Variants in SLC39A12 observed in about 807,000 individuals in gnomAD.
SLC39A12 encodes zinc transporter ZIP12.
A neutral mutation model predicts 71.1 loss-of-function variants in SLC39A12; 63 were observed. The observed-to-expected ratio is 0.89, with a 90% confidence interval of 0.72 to 1.09. SLC39A12 has a LOEUF of 1.09. SLC39A12 is among the 50% of genes least tolerant of loss of function. The probability of loss-of-function intolerance (pLI) is 0.00; values close to 1 mark genes in which losing one functional copy is unlikely to be tolerated. For missense variants in SLC39A12, 892 were observed against 812.6 expected (o/e 1.10, Z -1.19); for synonymous variants, 351 against 301.3 (o/e 1.16, Z -1.71).
intron 10 of SLC39A12, among the ~76,000 whole-genome samples, chr10:17,996,482 C>T (rs985934967): frequency 6.6e-6 from 1 of 152,106 alleles, no homozygotes; most frequent in Non-Finnish European, 1.5e-5. Context: ...CCCATTCTAC[C>T]GTAATAACTT....
chr10:17,998,451 G>A (rs969696624), intron 10 of SLC39A12, among the ~76,000 whole-genome samples: 1 of 152,006 alleles, frequency 6.6e-6, no homozygotes, highest in African/African-American at 2.4e-5. Context: ...ACAAAGAAGA[G>A]CTTTATCTCT....
At chr10:17,989,375 T>A (rs1323011720) in intron 7 of SLC39A12, among the ~76,000 whole-genome samples, 1 of 152,258 alleles carries the variant, frequency 6.6e-6, no homozygotes, top group Non-Finnish European at 1.5e-5. Context: ...TGGAAATATT[T>A]CAGGGCTTAT....
intron 2 of SLC39A12, among the ~76,000 whole-genome samples, chr10:17,957,331 G>A (rs141216219): frequency 1.3e-5 from 2 of 152,252 alleles, no homozygotes; most frequent in African/African-American, 2.4e-5. Context: ...CCAAGTGTCC[G>A]AGTAGCCTGT....
intron 12 of SLC39A12, among the ~76,000 whole-genome samples, chr10:18,005,134 C>T (rs138393636): frequency 7.8e-4 from 118 of 152,090 alleles, no homozygotes; most frequent in African/African-American, 2.6e-3. Flanking sequence ...AGGATTGATA[C>T]CTAGGTGATG....
intron 12 of SLC39A12, among the ~76,000 whole-genome samples, chr10:18,015,797 C>T (rs1364033943): frequency 6.6e-6 from 1 of 151,468 alleles, no homozygotes; most frequent in Non-Finnish European, 1.5e-5. Flanking sequence ...TTCACCTACA[C>T]TATCCAAATG....
chr10:18,003,199 A>AG lies in SLC39A12; in HGVS notation c.1788_1789insG (p.Leu597AlafsTer30). On this transcript the variant is annotated frameshift_variant, in exon 12 of 13. Coordinates refer to ENST00000377369, the MANE Select transcript of SLC39A12 (RefSeq NM_001145195.2). LOFTEE classifies it high-confidence loss of function. ...ACTTTGCCGTGCTCTTAAGCTCTGG[A>AG]CTTTCTATGAAGACTGCCATCCTGA... 8 of 1,614,074 alleles carry AG rather than the reference A, an allele frequency of 5.0e-6. No individual in the cohort carries two copies. The highest frequency in any genetic ancestry group is 5.9e-6 in the Non-Finnish European group (7 of 1,180,004).
At chr10:18,027,286 G>A (rs1239972162) in intron 12 of SLC39A12, among the ~76,000 whole-genome samples, 1 of 152,202 alleles carries the variant, frequency 6.6e-6, no homozygotes, top group Non-Finnish European at 1.5e-5. Context: ...GCTAGAAAGA[G>A]CTGAAATTGG....
intron 11 of SLC39A12, chr10:18,001,701 T>C (rs1399416770): frequency 6.6e-6 from 1 of 152,162 alleles, no homozygotes; most frequent in African/African-American, 2.4e-5. Context: ...TGTGGGTACA[T>C]AGTGGTTGTA....
At chr10:18,013,301 T>G (rs910011803) in intron 12 of SLC39A12, among the ~76,000 whole-genome samples, 4 of 150,470 alleles carry the variant, frequency 2.7e-5, no homozygotes, top group Non-Finnish European at 5.9e-5. Flanking sequence ...CTGATCCATT[T>G]TAAGTTAATT....
chr10:17,956,901 C>G (rs1227577291), intron 2 of SLC39A12, among the ~76,000 whole-genome samples: 1 of 152,136 alleles, frequency 6.6e-6, no homozygotes, highest in African/African-American at 2.4e-5. Flanking sequence ...AGTACAGACC[C>G]TAAAGAGCCA....
chr10:17,981,520 A>C, intron 6 of SLC39A12, 37 bp downstream of exon 6: 13 of 1,536,018 alleles, frequency 8.5e-6, no homozygotes, highest in Non-Finnish European at 1.2e-5. Context: ...GCTGATGTGC[A>C]CAATGTATGC....
At chr10:17,977,823 A>G (rs1016065789) in intron 4 of SLC39A12, 79 bp from the exon 5 acceptor site, 11 of 1,058,094 alleles carry the variant, frequency 1.0e-5, no homozygotes, top group South Asian at 7.9e-5. Context: ...GGGAATATCT[A>G]TGCTGTAGCT....
At chr10:17,965,225 A>AT (rs1489903151) in intron 3 of SLC39A12, among the ~76,000 whole-genome samples, 1 of 151,998 alleles carries the variant, frequency 6.6e-6, no homozygotes, top group Admixed American at 6.6e-5. Context: ...GAAAAAAAAA[A>AT]GGATAGGGAG....
At chr10:18,005,764 T>C (rs1487166908) in intron 12 of SLC39A12, 1 of 152,158 alleles carries the variant, frequency 6.6e-6, no homozygotes, top group Non-Finnish European at 1.5e-5. Context: ...GTGACTGATA[T>C]CCTGTGAGAT....
chr10:18,014,564 T>A (rs1011858747), intron 12 of SLC39A12, among the ~76,000 whole-genome samples: 2 of 152,176 alleles, frequency 1.3e-5, no homozygotes, highest in Non-Finnish European at 2.9e-5. Context: ...AAATCAAAAT[T>A]TAGCTCATTC....
At chr10:17,989,508 G>C (rs1353909395) in intron 7 of SLC39A12, among the ~76,000 whole-genome samples, 2 of 152,218 alleles carry the variant, frequency 1.3e-5, no homozygotes, top group Non-Finnish European at 2.9e-5. Flanking sequence ...GTCTCCCCCA[G>C]TGAGGGAGCC....
In SLC39A12 at chr10:18,003,225, T is replaced by G; in HGVS notation, c.1814T>G (p.Met605Arg). The part of the protein sequence containing the change: ...SGLSMKTAIL[M>R]NFISSLTAFM... ...CTTTCTATGAAGACTGCCATCCTGA[T>G]GAATTTTATAAGCTCCCTAACTGCC... is the stretch of plus-strand genomic sequence containing the variant. The change falls in exon 12 of 13, where the codon ATG becomes AGG. Residue 605 changes from methionine to arginine, a missense_variant. Met to Arg is a moderately conservative substitution (Grantham distance 91). Transcript: ENST00000377369. The G allele has an allele frequency of 1.2e-6, 2 of 1,614,156 alleles. No homozygotes were observed. Among genetic ancestry groups the G allele is most frequent in the Non-Finnish European group, 1.7e-6 (2 of 1,180,018 alleles).
chr10:17,974,244 C>G (rs1835047397), intron 4 of SLC39A12, among the ~76,000 whole-genome samples: 1 of 152,150 alleles, frequency 6.6e-6, no homozygotes, highest in South Asian at 2.1e-4. Flanking sequence ...ATCTCTGTTT[C>G]TCCAGAATTG....
chr10:17,966,822 A>C (rs184584375), intron 4 of SLC39A12, among the ~76,000 whole-genome samples: 2,051 of 152,002 alleles, frequency 0.013, 39 homozygotes, highest in African/African-American at 0.043. Flanking sequence ...AATACAAAAA[A>C]AATTAGCCAG....
Sources: gnomAD v4.1 joint callset for allele counts (sites outside exome capture counted in the v4.1 genomes callset) on GRCh38, gnomAD v4.1.1 for gene constraint, MANE v1.5 for transcripts, NCBI Gene and HGNC (gene_info 2026-07-23, HGNC 2026-07-21) for gene names.